Variants in PCNP observed in about 807,000 individuals in gnomAD.
The protein encoded by PCNP is PEST proteolytic signal containing nuclear protein, also known as PEST proteolytic signal-containing nuclear protein.
In PCNP, 6 loss-of-function variants were observed where a neutral mutation model predicts 21.8. That is an observed-to-expected ratio of 0.28 (90% confidence interval 0.15 to 0.54). The LOEUF (loss-of-function observed/expected upper bound fraction) is 0.54. Ranked by LOEUF, PCNP falls within the 20% of genes least tolerant of loss-of-function variation. The pLI is 0.95. For missense variants in PCNP, 161 were observed against 215.5 expected (o/e 0.75, Z 1.58); for synonymous variants, 67 against 73.2 (o/e 0.92, Z 0.43).
intron 2 of PCNP, 67 bp from the exon 3 acceptor site, chr3:101,585,370 A>T: frequency 1.1e-6 from 1 of 906,840 alleles, no homozygotes; most frequent in Non-Finnish European, 1.8e-6. Context: ...TAAATTATTC[A>T]TATCATTAAA....
chr3:101,580,879 G>A (rs1455512231), intron 2 of PCNP, among the ~76,000 whole-genome samples: 3 of 152,128 alleles, frequency 2.0e-5, no homozygotes, highest in Non-Finnish European at 4.4e-5. Context: ...ATTGCTATTG[G>A]CTTTGGAAAA....
intron 3 of PCNP, among the ~76,000 whole-genome samples, chr3:101,589,410 C>CTTT (rs35442732): frequency 4.1e-5 from 6 of 146,038 alleles, no homozygotes; most frequent in Non-Finnish European, 4.5e-5. Flanking sequence ...AATGAGCTCT[C>CTTT]TTTTTTTTTT....
At chr3:101,582,314 G>A (rs1223355686) in intron 2 of PCNP, among the ~76,000 whole-genome samples, 1 of 152,122 alleles carries the variant, frequency 6.6e-6, no homozygotes, top group African/African-American at 2.4e-5. Flanking sequence ...TTAGCTGGGT[G>A]TGGTGGCGGG....
intron 1 of PCNP, among the ~76,000 whole-genome samples, 173 bp downstream of exon 1, chr3:101,574,452 G>A (rs964328563): frequency 6.6e-6 from 1 of 152,204 alleles, no homozygotes; most frequent in Non-Finnish European, 1.5e-5. Context: ...TGGGCTCCGG[G>A]CCTACATCGC....
chr3:101,585,682 G>A (rs578063986), intron 3 of PCNP, among the ~76,000 whole-genome samples, 171 bp downstream of exon 3: 11 of 152,238 alleles, frequency 7.2e-5, no homozygotes, highest in African/African-American at 2.6e-4. Flanking sequence ...TTATTTGGTT[G>A]TAAGATTATT....
intron 3 of PCNP, 52 bp downstream of exon 3, chr3:101,585,563 G>C: frequency 8.8e-7 from 1 of 1,130,712 alleles, no homozygotes; most frequent in Non-Finnish European, 1.3e-6. Flanking sequence ...ATTTAAGGAA[G>C]GTATTAGTGG....
Position 101,592,779 on chromosome 3 carries a change from G to T in PCNP, c.*26G>T. Reference sequence around the variant, plus strand: ...ATGATGTTTTGAAATTGGGGTGTGGGGTGGGTGTAAAGTTAAAAGGAACAG... The same window carrying T: ...ATGATGTTTTGAAATTGGGGTGTGGTGTGGGTGTAAAGTTAAAAGGAACAG... On this transcript the variant is annotated 3_prime_UTR_variant, in exon 5 of 5. Coordinates refer to ENST00000265260, the MANE Select transcript of PCNP (RefSeq NM_020357.3). 6.2e-7 allele frequency: 1 copy of T among 1,604,590 alleles called. No individual in the cohort carries two copies. The highest frequency in any genetic ancestry group is 1.1e-5 in the South Asian group (1 of 89,450).
At chr3:101,576,781 G>C in intron 1 of PCNP, 2 of 1,610,858 alleles carry the variant, frequency 1.2e-6, no homozygotes, top group South Asian at 2.2e-5. Context: ...GAGTTCTCCC[G>C]CCCTCTTGGT....
At chr3:101,577,015 C>G (rs1934950174) in intron 1 of PCNP, 1 of 800,950 alleles carries the variant, frequency 1.2e-6, no homozygotes, top group East Asian at 2.4e-5. Context: ...TTAGTAGAGA[C>G]GAGATTTCAC....
rs1173417330 is a variant in PCNP at position 101,593,325 on chromosome 3, C to T, written c.*572C>T. 2 of 152,532 alleles carry T rather than the reference C, an allele frequency of 1.3e-5. No homozygotes were observed. The highest frequency in any genetic ancestry group is 2.4e-5 in the African/African-American group (1 of 41,442). The allele number at this position is 152,532 out of a possible 1,614,324, so 9.4% of individuals were successfully genotyped here. Reference sequence around the variant, plus strand: ...GCTATCCGTGGATACAGACGCTTAGCTCTTAAAAGATTTTTTTTTTATGTA... The same window carrying T: ...GCTATCCGTGGATACAGACGCTTAGTTCTTAAAAGATTTTTTTTTTATGTA... On this transcript the variant is annotated 3_prime_UTR_variant, in exon 5 of 5. Coordinates refer to ENST00000265260, the MANE Select transcript of PCNP (RefSeq NM_020357.3).
chr3:101,579,654 G>A, intron 1 of PCNP, 136 bp from the exon 2 acceptor site: 1 of 734,018 alleles, frequency 1.4e-6, no homozygotes, highest in Non-Finnish European at 2.5e-6. Flanking sequence ...CTAACAAACA[G>A]TGGAAGAGAC....
At chr3:101,577,921 G>A (rs555641201) in intron 1 of PCNP, among the ~76,000 whole-genome samples, 2 of 152,266 alleles carry the variant, frequency 1.3e-5, no homozygotes, top group South Asian at 2.1e-4. Context: ...AGTACCATGT[G>A]TATTTTGATT....
At chr3:101,577,288 C>T (rs1042680398) in intron 1 of PCNP, among the ~76,000 whole-genome samples, 1 of 152,082 alleles carries the variant, frequency 6.6e-6, no homozygotes, top group African/African-American at 2.4e-5. Flanking sequence ...TAAAGAAGAG[C>T]TAGTCATACA....
At chr3:101,592,162 TTTTGTTTTTTGTTTTTTTG>T (rs1378515024) in intron 4 of PCNP, among the ~76,000 whole-genome samples, 1 of 151,952 alleles carries the variant, frequency 6.6e-6, no homozygotes, top group African/African-American at 2.4e-5. Context: ...TTTGTGTGTT[TTTTGTTTTTTGTTTTTTTG>T]TTTGTTTTTT....
rs571892836 is a variant in PCNP at position 101,580,925 on chromosome 3, A to C, written c.279+921A>C. On this transcript the variant is annotated intron_variant, in intron 2 of 4. Coordinates refer to ENST00000265260, the MANE Select transcript of PCNP (RefSeq NM_020357.3). ...CTTGTGTGAGGAGAAAAATCCTAAA[A>C]TTGCCTTTGAGTTGGTTATTTTTAT... 3.3e-5 allele frequency among the ~76,000 whole-genome samples: 5 copies of C among 152,326 alleles called. No homozygotes were observed. The South Asian group carries it at 1.0e-3, about 32-fold the overall frequency.
Position 101,592,707 on chromosome 3 carries a change from G to A in PCNP, c.491G>A (p.Arg164Gln), listed in dbSNP as rs1413341461. ...GFSDNQKLWE[R>Q]NIKSHLGNVH... ...TCTGATAACCAGAAGCTGTGGGAGCGAAATATAAAATCTCATCTTGGAAAT... is the reference window on the plus strand; with the variant it reads ...TCTGATAACCAGAAGCTGTGGGAGCAAAATATAAAATCTCATCTTGGAAAT... The change falls in exon 5 of 5, where the codon CGA (arginine) becomes CAA (glutamine). Residue 164 changes from arginine to glutamine, a missense_variant. Coordinates refer to ENST00000265260, the MANE Select transcript of PCNP (RefSeq NM_020357.3). The A allele has an allele frequency of 2.5e-5, 40 of 1,612,822 alleles. No homozygotes were observed. The highest frequency in any genetic ancestry group is 3.1e-5 in the Non-Finnish European group (37 of 1,179,352).
chr3:101,585,523 T>C lies in PCNP; in HGVS notation c.354+12T>C, dbSNP rs377299805. ...ATGAAGATGAAGATGTAAGTTGATA[T>C]CGAGTTTTGTTTTTTTACTTTAACC... is the stretch of plus-strand genomic sequence containing the variant. On this transcript the variant is annotated intron_variant, in intron 3 of 4. Transcript: ENST00000265260. 64 of 1,581,732 alleles carry C rather than the reference T, an allele frequency of 4.0e-5. No individual in the cohort carries two copies. The African/African-American group carries it at 4.5e-4, about 11-fold the overall frequency.
At chr3:101,585,408 A>G (rs1935445325) in intron 2 of PCNP, 29 bp from the exon 3 acceptor site, 2 of 1,280,962 alleles carry the variant, frequency 1.6e-6, no homozygotes, top group Middle Eastern at 3.8e-4. Context: ...TATCTACATG[A>G]TATTCTTTTT....
At chr3:101,585,895 G>A (rs751245079) in intron 3 of PCNP, among the ~76,000 whole-genome samples, 1 of 152,128 alleles carries the variant, frequency 6.6e-6, no homozygotes, top group Non-Finnish European at 1.5e-5. Flanking sequence ...TATTGGCTAG[G>A]CGCGGTGTCT....
Sources: gnomAD v4.1 joint callset for allele counts (sites outside exome capture counted in the v4.1 genomes callset) on GRCh38, gnomAD v4.1.1 for gene constraint, MANE v1.5 for transcripts, NCBI Gene and HGNC (gene_info 2026-07-23, HGNC 2026-07-21) for gene names.